TAOK3: variants seen among roughly 807,000 people sequenced by gnomAD.
The protein encoded by TAOK3 is TAO kinase 3, also known as serine/threonine-protein kinase TAO3.
TAOK3 carries 40 observed loss-of-function variants against 120.4 expected under a neutral mutation model. The observed-to-expected ratio is 0.33, with a 90% CI of 0.26 to 0.43. TAOK3 has a LOEUF of 0.43. Ranked by LOEUF, TAOK3 falls within the 20% of genes least tolerant of loss-of-function variation. TAOK3 has a pLI of 1.00. For missense variants in TAOK3, 821 were observed against 1,112.1 expected, an observed-to-expected ratio of 0.74 and a Z score of 3.72; for synonymous variants, 355 against 387.5, an observed-to-expected ratio of 0.92 and a Z score of 0.99.
At chr12:118,262,108 A>G (rs2041254992) in intron 2 of TAOK3, among the ~76,000 whole-genome samples, 1 of 152,056 alleles carries the variant, frequency 6.6e-6, no homozygotes, top group South Asian at 2.1e-4. Flanking sequence ...TGATCCACAC[A>G]CCTCGGCCTC....
rs1373072370 is a variant in TAOK3 at position 118,359,213 on chromosome 12, T to C, written c.-194+13435A>G. On this transcript the variant is annotated intron_variant, in intron 1 of 20. Transcript: ENST00000392533. ...TAACGTCAACAGCAATTTATACAGC[T>C]TTGCATTTCGACATTTTAGAAAGAA... 5 of 152,198 alleles carry C rather than the reference T, an allele frequency of 3.3e-5. No individual in the cohort carries two copies. In the East Asian group the frequency reaches 9.6e-4, roughly 29 times the overall value. The allele number at this position is 152,198 out of a possible 1,614,324, so 9.4% of individuals were successfully genotyped here.
chr12:118,163,061 C>T (rs180726589), intron 17 of TAOK3, among the ~76,000 whole-genome samples: 1 of 152,270 alleles, frequency 6.6e-6, no homozygotes, highest in African/African-American at 2.4e-5. Flanking sequence ...ATACGTGGCC[C>T]AACCTGGGTC....
At chr12:118,182,621 A>ATTTTTTT (rs1255090106) in intron 14 of TAOK3, among the ~76,000 whole-genome samples, 10 of 98,974 alleles carry the variant, frequency 1.0e-4, no homozygotes, top group Admixed American at 3.2e-4. Context: ...ATATATATAT[A>ATTTTTTT]TATTTTTTTT....
At chr12:118,196,300 T>C (rs536330927) in intron 13 of TAOK3, among the ~76,000 whole-genome samples, 123 of 152,282 alleles carry the variant, frequency 8.1e-4, no homozygotes, top group Non-Finnish European at 2.4e-4. Context: ...TAAGTGCAAG[T>C]CATGCTCTCA....
rs561634002 is a variant in TAOK3, at chr12:118,216,458, A to G, written c.644-2348T>C. On this transcript the variant is annotated intron_variant, in intron 9 of 20. Transcript: ENST00000392533. ...CTCAAAAGAAATCATAAGCTCTAAG[A>G]GCACAAGATCTTATAACCTGAATAT... is the stretch of plus-strand genomic sequence containing the variant. 3.9e-5 allele frequency among the ~76,000 whole-genome samples: 6 copies of G among 152,328 alleles called. No individual in the cohort carries two copies. In the South Asian group the frequency reaches 1.0e-3, roughly 26 times the overall value.
chr12:118,286,512 A>G (rs1329361878), intron 1 of TAOK3, among the ~76,000 whole-genome samples: 3 of 151,944 alleles, frequency 2.0e-5, no homozygotes, highest in Non-Finnish European at 4.4e-5. Flanking sequence ...GCAAATCAAA[A>G]CCACGACACG....
chr12:118,340,605 T>A (rs376960392), intron 1 of TAOK3, among the ~76,000 whole-genome samples: 8 of 152,070 alleles, frequency 5.3e-5, no homozygotes, highest in African/African-American at 1.9e-4. Flanking sequence ...ATAGAAAATG[T>A]TAAATAAAAA....
chr12:118,338,369 G>A (rs1263476941), intron 1 of TAOK3, among the ~76,000 whole-genome samples: 1 of 152,218 alleles, frequency 6.6e-6, no homozygotes, highest in African/African-American at 2.4e-5. Flanking sequence ...GTACCAAACA[G>A]TGTCTGGAAC....
chr12:118,291,173 T>C (rs2042464123), intron 1 of TAOK3, among the ~76,000 whole-genome samples: 1 of 146,926 alleles, frequency 6.8e-6, no homozygotes, highest in African/African-American at 2.5e-5. Context: ...TACTTTTTTT[T>C]GAGATGGAGT....
intron 1 of TAOK3, among the ~76,000 whole-genome samples, chr12:118,340,324 G>T (rs2044560890): frequency 6.6e-6 from 1 of 152,162 alleles, no homozygotes; most frequent in Non-Finnish European, 1.5e-5. Context: ...AAGTAAAGGT[G>T]TTATATAAAA....
chr12:118,262,826 C>CA (rs61453663), intron 2 of TAOK3, among the ~76,000 whole-genome samples: 3,210 of 73,442 alleles, frequency 0.044, 111 homozygotes, highest in African/African-American at 0.1. Flanking sequence ...GACTCCGTCT[C>CA]AAAAAAAAAA....
intron 1 of TAOK3, among the ~76,000 whole-genome samples, chr12:118,285,041 T>C (rs2042217436): frequency 6.6e-6 from 1 of 151,770 alleles, no homozygotes; most frequent in Non-Finnish European, 1.5e-5. Flanking sequence ...CTTGTCTTTC[T>C]ATGGGAATAT....
intron 1 of TAOK3, among the ~76,000 whole-genome samples, chr12:118,345,751 G>A (rs1198818281): frequency 6.6e-6 from 1 of 150,932 alleles, no homozygotes; most frequent in Non-Finnish European, 1.5e-5. Context: ...ACCTGATGTA[G>A]AATCTCCTTA....
chr12:118,282,859 G>A (rs2042143612), intron 1 of TAOK3, among the ~76,000 whole-genome samples: 1 of 152,184 alleles, frequency 6.6e-6, no homozygotes, highest in African/African-American at 2.4e-5. Flanking sequence ...AACTGAAGAT[G>A]GAATATCGAC....
chr12:118,221,851 T>G (rs201200435), intron 9 of TAOK3, among the ~76,000 whole-genome samples: 1 of 151,192 alleles, frequency 6.6e-6, no homozygotes, highest in African/African-American at 2.4e-5. Flanking sequence ...AGCCAGGATG[T>G]TCTTGATCTC....
At chr12:118,228,889 G>C (rs979830845) in intron 9 of TAOK3, among the ~76,000 whole-genome samples, 1 of 151,954 alleles carries the variant, frequency 6.6e-6, no homozygotes, top group Non-Finnish European at 1.5e-5. Context: ...TTTCCATTTA[G>C]GTTTCCTCTT....
chr12:118,358,361 T>C (rs192208005), intron 1 of TAOK3, among the ~76,000 whole-genome samples: 2 of 152,336 alleles, frequency 1.3e-5, no homozygotes, highest in East Asian at 3.9e-4. Context: ...CTGACTTTTC[T>C]GTCTCTAAAT....
chr12:118,369,701 C>T lies in TAOK3; in HGVS notation c.-194+2947G>A, dbSNP rs76038734. ...GTTCTAAATACCCTTTTGAGTTAAC[C>T]GACCTTATTTTTACTTGAATTCGAT... is the stretch of plus-strand genomic sequence containing the variant. On this transcript the variant is annotated intron_variant, in intron 1 of 20. Coordinates refer to ENST00000392533, the MANE Select transcript of TAOK3 (RefSeq NM_016281.4). Among the ~76,000 whole-genome samples, 52 of 152,006 alleles carry T rather than the reference C, an allele frequency of 3.4e-4. No homozygotes were observed. The East Asian group carries it at 9.5e-3, about 28-fold the overall frequency.
At chr12:118,254,623 T>A (rs1043079254) in intron 3 of TAOK3, among the ~76,000 whole-genome samples, 5 of 152,116 alleles carry the variant, frequency 3.3e-5, no homozygotes, top group South Asian at 2.1e-4. Flanking sequence ...GTAAAACTTG[T>A]AGGATGAACG....
Sources: allele counts gnomAD v4.1 joint callset (sites outside exome capture counted in the v4.1 genomes callset), GRCh38; gene constraint gnomAD v4.1.1; transcripts MANE v1.5; gene names NCBI Gene and HGNC (gene_info 2026-07-23, HGNC 2026-07-21).